Variants in DLG2 observed in about 807,000 individuals in gnomAD.
DLG2 encodes disks large homolog 2.
Under a neutral mutation model 132.5 loss-of-function variants are expected in DLG2, and 45 were observed. The observed-to-expected ratio is 0.34, with a 90% confidence interval of 0.27 to 0.44. The LOEUF (loss-of-function observed/expected upper bound fraction) is 0.44. Ranked by LOEUF, DLG2 falls within the 20% of genes least tolerant of loss-of-function variation. The pLI is 1.00. For synonymous variants in DLG2, 424 were observed against 419.6 expected (o/e 1.01, Z -0.13); for missense variants, 1,045 against 1,196.9 (o/e 0.87, Z 1.87).
At chr11:84,152,786 G>A (rs2095332919) in intron 9 of DLG2, among the ~76,000 whole-genome samples, 2 of 152,046 alleles carry the variant, frequency 1.3e-5, no homozygotes, top group South Asian at 4.1e-4. Context: ...AAGACACTTG[G>A]GTCTTGTTTT....
chr11:85,242,964 G>A (rs2075961595), intron 4 of DLG2, among the ~76,000 whole-genome samples: 1 of 151,950 alleles, frequency 6.6e-6, no homozygotes, highest in Admixed American at 6.6e-5. Context: ...GGTACCAGAA[G>A]TCTGAAGTAT....
intron 6 of DLG2, among the ~76,000 whole-genome samples, chr11:84,578,228 C>T (rs891961107): frequency 7.3e-6 from 1 of 136,594 alleles, no homozygotes; most frequent in Non-Finnish European, 1.6e-5. Flanking sequence ...ATCAGACCCC[C>T]CACCCCATAC....
At chr11:84,650,772 G>T (rs2099680559) in intron 6 of DLG2, among the ~76,000 whole-genome samples, 1 of 149,564 alleles carries the variant, frequency 6.7e-6, no homozygotes, top group Non-Finnish European at 1.5e-5. Flanking sequence ...GTATTTAAGA[G>T]ATGAACTATA....
intron 18 of DLG2, among the ~76,000 whole-genome samples, chr11:83,760,807 C>A (rs1426971207): frequency 6.6e-6 from 1 of 152,200 alleles, no homozygotes; most frequent in African/African-American, 2.4e-5. Flanking sequence ...CGGTCCCTTG[C>A]CTAGACAACT....
chr11:84,804,115 T>A (rs145559670), intron 6 of DLG2, among the ~76,000 whole-genome samples: 1 of 152,334 alleles, frequency 6.6e-6, no homozygotes, highest in East Asian at 1.9e-4. Context: ...ACACAGTAAA[T>A]ATTTTGGTGA....
intron 7 of DLG2, among the ~76,000 whole-genome samples, chr11:84,306,872 G>C (rs1350115016): frequency 6.6e-6 from 1 of 152,196 alleles, no homozygotes; most frequent in Non-Finnish European, 1.5e-5. Flanking sequence ...TGAGAAAAAG[G>C]AATGTTTATA....
At chr11:84,800,041 T>A (rs569110085) in intron 6 of DLG2, among the ~76,000 whole-genome samples, 1 of 152,156 alleles carries the variant, frequency 6.6e-6, no homozygotes, top group African/African-American at 2.4e-5. Context: ...TACCAAACCA[T>A]CTAGTCTGAT....
intron 15 of DLG2, among the ~76,000 whole-genome samples, chr11:83,899,174 G>A (rs1450621857): frequency 6.6e-6 from 1 of 152,010 alleles, no homozygotes; most frequent in Non-Finnish European, 1.5e-5. Flanking sequence ...GGGGAAATTA[G>A]CCTATCAAGG....
intron 6 of DLG2, among the ~76,000 whole-genome samples, chr11:84,781,012 AAAGC>A (rs980296985): frequency 1.3e-5 from 2 of 151,286 alleles, no homozygotes; most frequent in African/African-American, 4.8e-5. Flanking sequence ...AAAAAAAAAA[AAAGC>A]GACAAGACTT....
intron 4 of DLG2, among the ~76,000 whole-genome samples, chr11:85,172,060 A>AG (rs930495797): frequency 7.9e-5 from 12 of 152,064 alleles, no homozygotes; most frequent in African/African-American, 2.4e-4. Context: ...ATTCTGGACG[A>AG]GGGGGGGTTC....
chr11:84,641,047 T>A (rs1431256084), intron 6 of DLG2, among the ~76,000 whole-genome samples: 1 of 152,120 alleles, frequency 6.6e-6, no homozygotes, highest in Non-Finnish European at 1.5e-5. Flanking sequence ...CACTTTTCCC[T>A]CTGGGGAAAC....
intron 18 of DLG2, among the ~76,000 whole-genome samples, chr11:83,697,961 G>C (rs1271796350): frequency 6.6e-6 from 1 of 152,162 alleles, no homozygotes; most frequent in African/African-American, 2.4e-5. Flanking sequence ...AGGCCAACTT[G>C]ATAAAACACA....
rs1227306702 is a variant in DLG2 at position 85,181,813 on chromosome 11, C to T, written c.187-27162G>A. On this transcript the variant is annotated intron_variant, in intron 4 of 27. Transcript: ENST00000376104. ...TTCTCTATTAGCTCGATATTTTCAA[C>T]CAGGCTTCATCCTAGATAAAAGATC... 2.0e-5 allele frequency among the ~76,000 whole-genome samples: 3 copies of T among 151,488 alleles called. No homozygotes were observed. In the East Asian group the frequency reaches 5.8e-4, roughly 29 times the overall value.
chr11:84,984,210 G>T (rs1463863471), intron 6 of DLG2, among the ~76,000 whole-genome samples: 1 of 152,140 alleles, frequency 6.6e-6, no homozygotes, highest in African/African-American at 2.4e-5. Context: ...ATTGCCATCA[G>T]GTTATCTAAA....
chr11:83,824,627 A>T (rs572329927), intron 17 of DLG2, among the ~76,000 whole-genome samples: 2 of 152,326 alleles, frequency 1.3e-5, no homozygotes, highest in East Asian at 3.9e-4. Flanking sequence ...GTTAAAAAAC[A>T]CTTTATCAGC....
intron 5 of DLG2, among the ~76,000 whole-genome samples, chr11:85,150,380 T>G (rs1308832957): frequency 6.6e-6 from 1 of 152,150 alleles, no homozygotes; most frequent in East Asian, 1.9e-4. Flanking sequence ...TTTATAATAC[T>G]GACCACTCTT....
chr11:85,363,338 A>G (rs933581741), intron 3 of DLG2, among the ~76,000 whole-genome samples: 3 of 152,234 alleles, frequency 2.0e-5, no homozygotes, highest in African/African-American at 7.2e-5. Flanking sequence ...GCTGTCAAAC[A>G]GCTAGAATAA....
intron 3 of DLG2, among the ~76,000 whole-genome samples, chr11:85,557,401 A>G (rs1156486257): frequency 2.0e-5 from 3 of 151,940 alleles, no homozygotes; most frequent in Non-Finnish European, 4.4e-5. Context: ...TACAGATTCA[A>G]TACTATTCCC....
intron 3 of DLG2, among the ~76,000 whole-genome samples, chr11:85,594,292 T>C (rs1310089160): frequency 6.6e-6 from 1 of 152,184 alleles, no homozygotes; most frequent in Non-Finnish European, 1.5e-5. Context: ...ATCCACAAGG[T>C]TCTCTGTTAA....
Sources: gnomAD v4.1 joint callset for allele counts (sites outside exome capture counted in the v4.1 genomes callset) on GRCh38, gnomAD v4.1.1 for gene constraint, MANE v1.5 for transcripts, NCBI Gene and HGNC (gene_info 2026-07-23, HGNC 2026-07-21) for gene names.